CNTNAP5: variants seen among roughly 807,000 people sequenced by gnomAD.
CNTNAP5 encodes contactin associated protein family member 5.
CNTNAP5 carries 72 observed loss-of-function variants against 150.2 expected under a neutral mutation model. The observed-to-expected ratio is 0.48, with a 90% CI of 0.40 to 0.58. CNTNAP5 has a LOEUF of 0.58. Among genes scored for constraint, CNTNAP5 ranks in the 20% least tolerant of loss-of-function variants. The probability of loss-of-function intolerance (pLI) is 0.00; values close to 1 mark genes in which losing one functional copy is unlikely to be tolerated. For synonymous variants in CNTNAP5, 672 were observed against 619.8 expected (o/e 1.08, Z -1.25); for missense variants, 1,636 against 1,626.2 (o/e 1.01, Z -0.10).
At chr2:124,714,023 T>C (rs1334060223) in intron 13 of CNTNAP5, among the ~76,000 whole-genome samples, 2 of 152,174 alleles carry the variant, frequency 1.3e-5, no homozygotes, top group Non-Finnish European at 2.9e-5. Flanking sequence ...TGGCCAAGAA[T>C]GTCTTTAGGC....
At chr2:124,730,695 A>G (rs2105126635) in intron 13 of CNTNAP5, among the ~76,000 whole-genome samples, 1 of 152,188 alleles carries the variant, frequency 6.6e-6, no homozygotes, top group South Asian at 2.1e-4. Context: ...TTGCCCAGAA[A>G]CCAAAATTGC....
At chr2:124,119,832 G>A (rs1683518430) in intron 1 of CNTNAP5, among the ~76,000 whole-genome samples, 1 of 152,176 alleles carries the variant, frequency 6.6e-6, no homozygotes, top group Non-Finnish European at 1.5e-5. Flanking sequence ...GCAGTGAACA[G>A]AAAGGAAAGG....
In CNTNAP5 at chr2:124,618,657, T is replaced by C. The variant is rs1344709826; in HGVS notation, c.1876+8737T>C. Among the ~76,000 whole-genome samples, 4 of 152,096 alleles carry C rather than the reference T, an allele frequency of 2.6e-5. No homozygotes were observed. The East Asian group carries it at 7.7e-4, about 29-fold the overall frequency. ...AGGAGTGCGTATTGATAGAATGCTTTTAGTCAGCCTTCCTGCGCACAGAGA... is the reference window on the plus strand; with the variant it reads ...AGGAGTGCGTATTGATAGAATGCTTCTAGTCAGCCTTCCTGCGCACAGAGA... On this transcript the variant is annotated intron_variant, in intron 12 of 23. Transcript: ENST00000682447.
intron 1 of CNTNAP5, among the ~76,000 whole-genome samples, chr2:124,134,897 G>T (rs1465775602): frequency 6.6e-6 from 1 of 152,186 alleles, no homozygotes; most frequent in African/African-American, 2.4e-5. Flanking sequence ...CTTCCTGGCT[G>T]TGTGACCTGA....
intron 21 of CNTNAP5, among the ~76,000 whole-genome samples, chr2:124,877,289 T>A (rs943003694): frequency 1.9e-4 from 29 of 152,142 alleles, no homozygotes; most frequent in African/African-American, 7.0e-4. Context: ...GTTACTCATT[T>A]TATATCGTCA....
chr2:124,700,838 C>T (rs921719103), intron 13 of CNTNAP5, among the ~76,000 whole-genome samples: 1 of 151,840 alleles, frequency 6.6e-6, no homozygotes, highest in African/African-American at 2.4e-5. Context: ...TTATGAGATA[C>T]ATATAGATAT....
intron 4 of CNTNAP5, among the ~76,000 whole-genome samples, chr2:124,431,618 ATATAAACATTATATATAATTTC>A (rs1381681304): frequency 6.8e-6 from 1 of 146,162 alleles, no homozygotes; most frequent in African/African-American, 2.5e-5. Flanking sequence ...TAATTTCTTT[ATATAAACATTATATATAATTTC>A]TTTATATAAA....
intron 3 of CNTNAP5, among the ~76,000 whole-genome samples, chr2:124,335,430 C>T (rs915827751): frequency 4.0e-5 from 6 of 151,504 alleles, no homozygotes; most frequent in Admixed American, 4.0e-4. Context: ...AGGAAGATTC[C>T]CACCTGGTCA....
Position 124,772,899 on chromosome 2 carries a change from C to T in CNTNAP5, c.2634C>T (p.Val878=). 4.3e-6 allele frequency: 7 copies of T among 1,613,690 alleles called. No individual in the cohort carries two copies. Among genetic ancestry groups the T allele is most frequent in the Non-Finnish European group, 5.9e-6 (7 of 1,179,698 alleles). Residue 878 remains valine (V), a synonymous_variant, in exon 17 of 24, where the codon GTC becomes GTT. Transcript: ENST00000682447. ...TGAATGACAACCAATGGCACTATGT[C>T]CGGGCTGAGAGGAACCTCAAGGAGA... ...SLLNDNQWHY[V]RAERNLKETS...
intron 6 of CNTNAP5, among the ~76,000 whole-genome samples, chr2:124,457,341 ACAGT>A (rs1395738505): frequency 1.3e-5 from 2 of 152,264 alleles, no homozygotes; most frequent in African/African-American, 4.8e-5. Flanking sequence ...AGCAAAAGGA[ACAGT>A]CAGCAGAATA....
chr2:124,554,289 CAG>C (rs1162064233), intron 10 of CNTNAP5, among the ~76,000 whole-genome samples: 1 of 152,054 alleles, frequency 6.6e-6, no homozygotes, highest in African/African-American at 2.4e-5. Context: ...AGTGAACAAA[CAG>C]AATGTGACAA....
intron 1 of CNTNAP5, among the ~76,000 whole-genome samples, chr2:124,049,809 T>A (rs1681641560): frequency 6.6e-6 from 1 of 152,208 alleles, no homozygotes; most frequent in African/African-American, 2.4e-5. Context: ...TTGTAAAGCC[T>A]GGAGAATCCT....
chr2:124,781,319 G>C (rs889437625), intron 17 of CNTNAP5, among the ~76,000 whole-genome samples: 1 of 152,206 alleles, frequency 6.6e-6, no homozygotes, highest in African/African-American at 2.4e-5. Context: ...AAGGCGGTAT[G>C]AGCAGGGAAA....
chr2:124,510,325 C>CTATATATATATATATATCTATATATCTA (rs1184644428), intron 8 of CNTNAP5, among the ~76,000 whole-genome samples: 1 of 8,314 alleles, frequency 1.2e-4, no homozygotes, highest in Non-Finnish European at 3.0e-4. Context: ...ATATATCTAT[C>CTATATATATATATATATCTATATATCTA]TATATATATA....
chr2:124,454,801 A>C (rs1300824095), intron 6 of CNTNAP5, among the ~76,000 whole-genome samples: 1 of 152,156 alleles, frequency 6.6e-6, no homozygotes, highest in African/African-American at 2.4e-5. Flanking sequence ...TCATTTGGCC[A>C]AAAATGAAAT....
chr2:124,800,693 G>A (rs546258165), intron 19 of CNTNAP5, among the ~76,000 whole-genome samples: 8 of 152,218 alleles, frequency 5.3e-5, no homozygotes, highest in Admixed American at 3.3e-4. Context: ...ACATCCTGAG[G>A]TCTTACTCTA....
At chr2:124,809,912 G>T (rs114414649) in intron 19 of CNTNAP5, among the ~76,000 whole-genome samples, 183 of 152,230 alleles carry the variant, frequency 1.2e-3, no homozygotes, top group African/African-American at 4.3e-3. Context: ...ACACACAAAG[G>T]CAAAGGCAAA....
chr2:124,828,154 A>C (rs1476287995), intron 19 of CNTNAP5, among the ~76,000 whole-genome samples: 1 of 152,154 alleles, frequency 6.6e-6, no homozygotes, highest in Non-Finnish European at 1.5e-5. Context: ...CAAAGGTTGT[A>C]AAGTTTGATA....
At chr2:124,547,542 A>G (rs1223208597) in intron 10 of CNTNAP5, among the ~76,000 whole-genome samples, 1 of 152,112 alleles carries the variant, frequency 6.6e-6, no homozygotes, top group Non-Finnish European at 1.5e-5. Context: ...CCCATCTATG[A>G]TTTGATCAAG....
Sources: allele counts gnomAD v4.1 joint callset (sites outside exome capture counted in the v4.1 genomes callset), GRCh38; gene constraint gnomAD v4.1.1; transcripts MANE v1.5; gene names NCBI Gene and HGNC (gene_info 2026-07-23, HGNC 2026-07-21).